The following KLK5 variants were observed in gnomAD, a reference collection of about 807,000 sequenced individuals.
KLK5 encodes the protein kallikrein related peptidase 5.
KLK5 carries 18 observed loss-of-function variants against 24.0 expected under a neutral mutation model. That is an observed-to-expected ratio of 0.75 (90% CI 0.52 to 1.11). The LOEUF is 1.11. KLK5 is among the 50% of genes most tolerant of loss of function. The pLI is 0.00. For missense variants in KLK5, 374 were observed against 379.2 expected, an observed-to-expected ratio of 0.99 and a Z score of 0.11; for synonymous variants, 140 against 154.0, an observed-to-expected ratio of 0.91 and a Z score of 0.67.
intron 3 of KLK5, 61 bp downstream of exon 3, chr19:50,949,785 ACCCCCACTT>A: frequency 7.9e-6 from 2 of 253,222 alleles, no homozygotes; most frequent in Admixed American, 5.2e-5. Flanking sequence ...TGACACCCCC[ACCCCCACTT>A]CCCCACCCCC....
rs548694272 is a variant in KLK5 at position 50,952,102 on chromosome 19, C to T, written c.73+483G>A. Reference sequence around the variant, plus strand: ...ACACTCAGCCACAATCACATAATCGCCTGCAAGCAGCACACAGTCACAGCT... The same window carrying T: ...ACACTCAGCCACAATCACATAATCGTCTGCAAGCAGCACACAGTCACAGCT... On this transcript the variant is annotated intron_variant, in intron 2 of 5. Transcript: ENST00000336334. 1.4e-4 allele frequency among the ~76,000 whole-genome samples: 21 copies of T among 152,244 alleles called. No individual in the cohort carries two copies. In the South Asian group the frequency reaches 4.4e-3, roughly 32 times the overall value.
At chr19:50,946,036 A>G (rs1179040155) in intron 5 of KLK5, among the ~76,000 whole-genome samples, 1 of 152,234 alleles carries the variant, frequency 6.6e-6, no homozygotes, top group Non-Finnish European at 1.5e-5. Context: ...ATGCATGCAA[A>G]ATATGAATTA....
intron 5 of KLK5, among the ~76,000 whole-genome samples, chr19:50,944,719 T>C (rs1051733312): frequency 6.6e-6 from 1 of 152,190 alleles, no homozygotes; most frequent in African/African-American, 2.4e-5. Context: ...ACACTTGGCA[T>C]CTATCCATTA....
chr19:50,949,163 C>A, intron 3 of KLK5, 48 bp from the exon 4 acceptor site: 1 of 1,576,410 alleles, frequency 6.3e-7, no homozygotes, highest in Non-Finnish European at 8.6e-7. Flanking sequence ...TCTATCTCCA[C>A]GTCCAACGCC....
chr19:50,952,512 G>A (rs1277848442), intron 2 of KLK5, 73 bp downstream of exon 2: 2 of 1,134,946 alleles, frequency 1.8e-6, no homozygotes, highest in South Asian at 3.2e-5. Context: ...AGTTCCCCAG[G>A]GGACAGGCGC....
At chr19:50,951,874 C>G (rs1016963530) in intron 2 of KLK5, among the ~76,000 whole-genome samples, 4 of 152,116 alleles carry the variant, frequency 2.6e-5, no homozygotes, top group Non-Finnish European at 4.4e-5. Flanking sequence ...AAGTCAGTCA[C>G]CTGGCACCCA....
At chr19:50,949,729 G>T in intron 3 of KLK5, 126 bp downstream of exon 3, 7 of 509,344 alleles carry the variant, frequency 1.4e-5, no homozygotes, top group South Asian at 2.2e-5. Flanking sequence ...CACCTTCCAT[G>T]ACACCCCCAA....
At position 50,948,153 on chromosome 19, in the gene KLK5, C is replaced by T. The variant is rs764280309; in HGVS notation, c.726+487G>A. On this transcript the variant is annotated intron_variant, in intron 5 of 5. Transcript: ENST00000336334. ...TTTTTTCTTTTTGAGACAAAAGTGT[C>T]ACTCTGTCTCCCAGGTTGGAGTGAG... Among the ~76,000 whole-genome samples, 75 of 150,880 alleles carry T rather than the reference C, an allele frequency of 5.0e-4. 2 individuals carry two copies. Among genetic ancestry groups the T allele is most frequent in the African/African-American group, 4.9e-5 (2 of 40,952 alleles).
At chr19:50,945,512 C>T (rs556449667) in intron 5 of KLK5, among the ~76,000 whole-genome samples, 1 of 151,642 alleles carries the variant, frequency 6.6e-6, no homozygotes, top group Non-Finnish European at 1.5e-5. Context: ...CTATCTCCCA[C>T]CTGGGCACGG....
chr19:50,951,282 T>A (rs976647739), intron 2 of KLK5, among the ~76,000 whole-genome samples: 4 of 152,192 alleles, frequency 2.6e-5, no homozygotes, highest in Admixed American at 2.6e-4. Context: ...TTTTTCTTTT[T>A]TTCTTTCGAG....
At chr19:50,950,249 G>A in intron 2 of KLK5, 133 bp from the exon 3 acceptor site, 1 of 806,900 alleles carries the variant, frequency 1.2e-6, no homozygotes, top group South Asian at 1.7e-5. Context: ...AGGGCCTGGA[G>A]AATAAGAGTG....
Position 50,943,369 on chromosome 19 carries a change from A to G in KLK5, c.*262T>C, listed in dbSNP as rs2090605100. On this transcript the variant is annotated 3_prime_UTR_variant, in exon 6 of 6. Transcript: ENST00000336334. ...AGCTGCAGAGAAGGGATGGGCCCTG[A>G]GCTTGAGGATGAAAGTGCCCCAGGG... 1 of 371,254 alleles carries G rather than the reference A, an allele frequency of 2.7e-6. No individual in the cohort carries two copies. The highest frequency in any genetic ancestry group is 4.9e-6 in the Non-Finnish European group (1 of 203,986). The allele number at this position is 371,254 out of a possible 1,614,324, so 23.0% of individuals were successfully genotyped here. A position where few individuals can be genotyped will look rare whatever the true frequency, so the allele number is the denominator to read the frequency against.
At chr19:50,945,852 G>A (rs1032812296) in intron 5 of KLK5, among the ~76,000 whole-genome samples, 5 of 139,520 alleles carry the variant, frequency 3.6e-5, no homozygotes, top group African/African-American at 1.3e-4. Flanking sequence ...AATGATGTAA[G>A]TGGTATGAAT....
chr19:50,949,848 C>G lies in KLK5; in HGVS notation c.335+7G>C, dbSNP rs757720356. ...CCACCAACCCTCCTCTTGGAACTCC[C>G]ACTCACTTCTTCCTGCAGTGGGCGG... On this transcript the variant is annotated splice_region_variant and intron_variant, in intron 3 of 5. Transcript: ENST00000336334. The G allele has an allele frequency of 6.5e-7, 1 of 1,534,418 alleles. No homozygotes were observed. The highest frequency in any genetic ancestry group is 1.8e-5 in the Admixed American group (1 of 57,016).
chr19:50,952,848 T>C lies in KLK5; in HGVS notation c.-113A>G. On this transcript the variant is annotated 5_prime_UTR_variant, in exon 1 of 6. Coordinates refer to ENST00000336334, the MANE Select transcript of KLK5 (RefSeq NM_012427.5). Reference sequence around the variant, plus strand: ...TTCAGAAGATAGGAGTCTAGCAGCCTCCAGACAGGGCAAGGAGGGGACAGA... The same window carrying C: ...TTCAGAAGATAGGAGTCTAGCAGCCCCCAGACAGGGCAAGGAGGGGACAGA... The C allele has an allele frequency of 2.2e-6, 1 of 445,950 alleles. No homozygotes were observed. The highest frequency in any genetic ancestry group is 4.0e-6 in the Non-Finnish European group (1 of 252,660). 27.6% of individuals were successfully genotyped at this position (445,950 alleles called of 1,614,324 possible). A position where few individuals can be genotyped will look rare whatever the true frequency, so the allele number is the denominator to read the frequency against.
chr19:50,945,477 C>T (rs1490828218), intron 5 of KLK5, among the ~76,000 whole-genome samples: 2 of 151,628 alleles, frequency 1.3e-5, no homozygotes, highest in Admixed American at 6.6e-5. Flanking sequence ...TTGAGTGGAC[C>T]TCTGTTTGAG....
At chr19:50,949,199 G>GCCCCACCCCCAT (rs2090662871) in intron 3 of KLK5, 84 bp from the exon 4 acceptor site, 3 of 1,277,754 alleles carry the variant, frequency 2.3e-6, no homozygotes, top group Non-Finnish European at 3.1e-6. Flanking sequence ...CCCAGCCCCA[G>GCCCCACCCCCAT]CCCCACCCCC....
chr19:50,950,231 G>GC, intron 2 of KLK5, 115 bp from the exon 3 acceptor site: 1 of 943,856 alleles, frequency 1.1e-6, no homozygotes, highest in Non-Finnish European at 1.6e-6. Context: ...TGCTGAGGGG[G>GC]CAGGGGCAGG....
intron 2 of KLK5, among the ~76,000 whole-genome samples, chr19:50,952,048 C>T (rs867196212): frequency 2.0e-5 from 3 of 151,972 alleles, no homozygotes; most frequent in African/African-American, 4.8e-5. Flanking sequence ...GGTAGTCACA[C>T]GGTCACAAAT....
Sources: allele counts gnomAD v4.1 joint callset (sites outside exome capture counted in the v4.1 genomes callset), GRCh38; gene constraint gnomAD v4.1.1; transcripts MANE v1.5; gene names NCBI Gene and HGNC (gene_info 2026-07-23, HGNC 2026-07-21).